EBF1: variants seen among roughly 807,000 people sequenced by gnomAD.
EBF1 encodes the protein transcription factor COE1.
In EBF1, 10 loss-of-function variants were observed where a neutral mutation model predicts 68.4. The observed-to-expected ratio is 0.15, with a 90% CI of 0.09 to 0.25. EBF1 has a LOEUF of 0.25. Ranked by LOEUF, EBF1 falls within the 10% of genes least tolerant of loss-of-function variation. EBF1 has a pLI of 1.00. For synonymous variants in EBF1, 298 were observed against 299.8 expected (o/e 0.99, Z 0.06); for missense variants, 509 against 794.4 (o/e 0.64, Z 4.32).
intron 10 of EBF1, among the ~76,000 whole-genome samples, chr5:158,741,236 T>C (rs111791576): frequency 9.9e-5 from 15 of 152,234 alleles, no homozygotes; most frequent in African/African-American, 3.6e-4. Context: ...GTAACCACAG[T>C]AAATGCTGAA....
chr5:158,743,267 A>G (rs1349445948), intron 10 of EBF1, among the ~76,000 whole-genome samples: 1 of 152,222 alleles, frequency 6.6e-6, no homozygotes, highest in Admixed American at 6.5e-5. Flanking sequence ...TTTTCTACGG[A>G]AAAGGACAGG....
chr5:158,856,901 C>T (rs1203656347), intron 6 of EBF1, among the ~76,000 whole-genome samples: 1 of 152,200 alleles, frequency 6.6e-6, no homozygotes, highest in East Asian at 1.9e-4. Flanking sequence ...CCTGCACTGG[C>T]AGCTACCATA....
At chr5:158,813,142 A>C (rs1224758556) in intron 8 of EBF1, among the ~76,000 whole-genome samples, 2 of 152,162 alleles carry the variant, frequency 1.3e-5, no homozygotes, top group Non-Finnish European at 2.9e-5. Flanking sequence ...ACTTAATAGT[A>C]TTTAGCTGCT....
At chr5:158,861,912 C>T (rs1562147439) in intron 6 of EBF1, among the ~76,000 whole-genome samples, 2 of 151,774 alleles carry the variant, frequency 1.3e-5, no homozygotes. Flanking sequence ...CATTTTGTCT[C>T]AATCTCTTCA....
intron 6 of EBF1, among the ~76,000 whole-genome samples, chr5:158,900,822 G>A (rs1170907839): frequency 6.6e-6 from 1 of 152,126 alleles, no homozygotes; most frequent in Non-Finnish European, 1.5e-5. Flanking sequence ...GGAAAGTAAA[G>A]TGGAAATAAG....
At chr5:159,068,731 A>G (rs1416681294) in intron 6 of EBF1, among the ~76,000 whole-genome samples, 1 of 152,144 alleles carries the variant, frequency 6.6e-6, no homozygotes, top group Non-Finnish European at 1.5e-5. Flanking sequence ...ATTTCAGATA[A>G]TCATAAAACA....
At chr5:158,944,413 G>C (rs1366446525) in intron 6 of EBF1, among the ~76,000 whole-genome samples, 1 of 152,090 alleles carries the variant, frequency 6.6e-6, no homozygotes, top group African/African-American at 2.4e-5. Flanking sequence ...CTTTTTTATG[G>C]CCACATAGTA....
intron 6 of EBF1, among the ~76,000 whole-genome samples, chr5:158,930,034 G>T (rs986552501): frequency 6.6e-6 from 1 of 152,182 alleles, no homozygotes; most frequent in African/African-American, 2.4e-5. Context: ...AATTCAGCGT[G>T]CTGTTAAATG....
At chr5:158,859,715 C>G (rs979600231) in intron 6 of EBF1, among the ~76,000 whole-genome samples, 6 of 152,198 alleles carry the variant, frequency 3.9e-5, no homozygotes, top group African/African-American at 1.4e-4. Context: ...GCATACTGTT[C>G]CCTCTGTCTG....
chr5:158,745,956 A>T (rs781336622), intron 10 of EBF1, among the ~76,000 whole-genome samples: 1 of 152,188 alleles, frequency 6.6e-6, no homozygotes, highest in Non-Finnish European at 1.5e-5. Flanking sequence ...GGGTGAGTGT[A>T]GGGAGTGAAA....
At chr5:158,967,022 G>A (rs1306724985) in intron 6 of EBF1, among the ~76,000 whole-genome samples, 2 of 150,550 alleles carry the variant, frequency 1.3e-5, no homozygotes, top group East Asian at 2.0e-4. Context: ...TTCATCAGAG[G>A]CATCTGTAAT....
rs149339208 is a variant in EBF1 at position 158,791,079 on chromosome 5, G to A, written c.909+5266C>T. On this transcript the variant is annotated intron_variant, in intron 9 of 15. Coordinates refer to ENST00000313708, the MANE Select transcript of EBF1 (RefSeq NM_024007.5). Reference sequence around the variant, plus strand: ...CTCATGCCTGTAATCCAAGCACTTCGGGAGGCTGAGGCGGGCAGATCACGA... The same window carrying A: ...CTCATGCCTGTAATCCAAGCACTTCAGGAGGCTGAGGCGGGCAGATCACGA... Among the ~76,000 whole-genome samples, 558 of 152,174 alleles carry A rather than the reference G, an allele frequency of 3.7e-3. 3 individuals are homozygous for A. The highest frequency in any genetic ancestry group is 0.013 in the African/African-American group (525 of 41,522).
intron 13 of EBF1, 39 bp downstream of exon 13, chr5:158,712,931 C>G (rs1170268833): frequency 7.2e-7 from 1 of 1,392,818 alleles, no homozygotes; most frequent in Non-Finnish European, 9.4e-7. Context: ...AGATGGGGTG[C>G]TTAAGGTTGG....
intron 9 of EBF1, among the ~76,000 whole-genome samples, chr5:158,779,754 T>A (rs558259454): frequency 6.6e-6 from 1 of 152,308 alleles, no homozygotes; most frequent in East Asian, 1.9e-4. Context: ...AGGGACTTAA[T>A]ATGTATGAGT....
intron 6 of EBF1, among the ~76,000 whole-genome samples, chr5:158,940,690 T>G (rs2127468562): frequency 6.9e-6 from 1 of 145,544 alleles, no homozygotes; most frequent in Non-Finnish European, 1.5e-5. Context: ...TATCCAGCCT[T>G]TTACAAGGAG....
chr5:158,819,950 T>C (rs759514729), intron 8 of EBF1, among the ~76,000 whole-genome samples: 99 of 152,112 alleles, frequency 6.5e-4, no homozygotes, highest in Non-Finnish European at 1.0e-3. Flanking sequence ...TCAACTCTCA[T>C]ACTTGAATTA....
At chr5:159,031,831 A>G in intron 6 of EBF1, among the ~76,000 whole-genome samples, 1 of 152,166 alleles carries the variant, frequency 6.6e-6, no homozygotes, top group East Asian at 1.9e-4. Flanking sequence ...CAGCAATGAA[A>G]CTTTTAAAAT....
Position 158,714,179 on chromosome 5 carries a change from C to T in EBF1, c.1129G>A (p.Val377Ile), listed in dbSNP as rs768070173. ...AGATCCGCAGCCCTTTTGAGTATTA[C>T]TTCCTGTCAAGAGAAAAGCAGATAC... ...PGDPERLPKE[V>I]ILKRAADLVE... Residue 377 changes from valine to isoleucine, a missense_variant, in exon 12 of 16, where the codon GTA (valine) becomes ATA (isoleucine). Physicochemically the swap from Val to Ile is conservative, Grantham distance 29. Around this residue, in one of 3 missense-constraint regions of EBF1, gnomAD observed 230 missense variants for 467.7 expected, o/e 0.49. Coordinates refer to ENST00000313708, the MANE Select transcript of EBF1 (RefSeq NM_024007.5). 1 of 1,614,234 alleles carries T rather than the reference C, an allele frequency of 6.2e-7. No individual in the cohort carries two copies. Among genetic ancestry groups the T allele is most frequent in the Non-Finnish European group, 8.5e-7 (1 of 1,180,032 alleles).
intron 10 of EBF1, among the ~76,000 whole-genome samples, chr5:158,735,358 A>T (rs1764960776): frequency 6.6e-6 from 1 of 152,210 alleles, no homozygotes; most frequent in Admixed American, 6.5e-5. Context: ...GAGGGGCCAC[A>T]GCAATTGAAT....
Sources: gnomAD v4.1 joint callset for allele counts (sites outside exome capture counted in the v4.1 genomes callset) on GRCh38, gnomAD v4.1.1 for gene constraint, gnomAD v4.1.1 regional missense constraint, MANE v1.5 for transcripts, NCBI Gene and HGNC (gene_info 2026-07-23, HGNC 2026-07-21) for gene names.